The following CALCRL variants were observed in gnomAD, a reference collection of about 807,000 sequenced individuals.
CALCRL encodes calcitonin gene-related peptide type 1 receptor.
CALCRL carries 27 observed loss-of-function variants against 60.4 expected under a neutral mutation model. The ratio of observed to expected loss-of-function variants is 0.45; its 90% CI spans 0.33 to 0.62. The LOEUF (loss-of-function observed/expected upper bound fraction) is 0.62. Ranked by LOEUF, CALCRL falls within the 20% of genes least tolerant of loss-of-function variation. CALCRL has a pLI of 0.03. For synonymous variants in CALCRL, 190 were observed against 182.6 expected (o/e 1.04, Z -0.33); for missense variants, 424 against 540.7 (o/e 0.78, Z 2.14).
chr2:187,364,809 C>T (rs1457853095), intron 8 of CALCRL, among the ~76,000 whole-genome samples: 1 of 152,076 alleles, frequency 6.6e-6, no homozygotes, highest in Admixed American at 6.5e-5. Context: ...ATTCCTTCTA[C>T]AAGACTTCTA....
intron 1 of CALCRL, among the ~76,000 whole-genome samples, chr2:187,405,763 C>A (rs1048038987): frequency 2.6e-5 from 4 of 151,936 alleles, no homozygotes; most frequent in Non-Finnish European, 5.9e-5. Flanking sequence ...ACGGCTGAAA[C>A]AGTAAGAAAG....
intron 14 of CALCRL, among the ~76,000 whole-genome samples, chr2:187,347,242 C>G (rs980929592): frequency 1.3e-5 from 2 of 151,772 alleles, no homozygotes; most frequent in Admixed American, 1.3e-4. Context: ...AAATACATCT[C>G]TAGCTCAAGT....
At chr2:187,388,125 T>A (rs1472102179) in intron 1 of CALCRL, among the ~76,000 whole-genome samples, 1 of 151,956 alleles carries the variant, frequency 6.6e-6, no homozygotes, top group African/African-American at 2.4e-5. Flanking sequence ...CCTTAGGCAT[T>A]TATAAGTTAG....
chr2:187,353,217 A>G (rs1318273523), intron 12 of CALCRL, among the ~76,000 whole-genome samples: 1 of 151,744 alleles, frequency 6.6e-6, no homozygotes, highest in Non-Finnish European at 1.5e-5. Context: ...ACTTTGGTCC[A>G]TTTTCTCTAT....
rs984756599 is a variant in CALCRL, at chr2:187,427,336, A to C, written c.-293+20703T>G. On this transcript the variant is annotated intron_variant, in intron 1 of 14. Transcript: ENST00000392370. ...CACTTCATAGGTCCTTGGTCTAGGG[A>C]AAAGTGTAACACAAAGTAAATGATG... Among the ~76,000 whole-genome samples, 2 of 152,176 alleles carry C rather than the reference A, an allele frequency of 1.3e-5. 1 individual carries two copies. Among genetic ancestry groups the C allele is most frequent in the African/African-American group, 4.8e-5 (2 of 41,446 alleles).
At chr2:187,387,048 T>C (rs1013492707) in intron 3 of CALCRL, among the ~76,000 whole-genome samples, 3 of 152,166 alleles carry the variant, frequency 2.0e-5, no homozygotes, top group African/African-American at 7.2e-5. Context: ...ATCAGCAGCA[T>C]GAAAACGGAC....
intron 1 of CALCRL, among the ~76,000 whole-genome samples, chr2:187,392,997 T>C (rs1688512167): frequency 6.6e-6 from 1 of 152,180 alleles, no homozygotes; most frequent in Non-Finnish European, 1.5e-5. Context: ...AGCTTTACTT[T>C]CCTGAAGACA....
chr2:187,344,285 A>C lies in CALCRL; in HGVS notation c.*1899T>G, dbSNP rs1015131052. The stretch of plus-strand genomic sequence containing the variant: ...GCATAGATAAATTATAAATGTACTG[A>C]CCAGACCATTCTATATGTTAATTCT... On this transcript the variant is annotated 3_prime_UTR_variant, in exon 15 of 15. Transcript: ENST00000392370. 4 of 151,690 alleles carry C rather than the reference A, an allele frequency of 2.6e-5. No individual in the cohort carries two copies. Among genetic ancestry groups the C allele is most frequent in the Non-Finnish European group, 5.9e-5 (4 of 67,690 alleles). 9.4% of individuals were successfully genotyped at this position (151,690 alleles called of 1,614,324 possible).
chr2:187,427,170 TAACTAGC>T (rs1480828157), intron 1 of CALCRL, among the ~76,000 whole-genome samples: 1 of 152,144 alleles, frequency 6.6e-6, no homozygotes. Context: ...TGGAAAAGGA[TAACTAGC>T]TGGAAGCTTG....
intron 1 of CALCRL, among the ~76,000 whole-genome samples, chr2:187,401,078 T>C (rs1182364060): frequency 1.3e-5 from 2 of 151,602 alleles, no homozygotes; most frequent in Non-Finnish European, 3.0e-5. Flanking sequence ...ATGCTGAAGA[T>C]TGGGCTTTTA....
intron 4 of CALCRL, 138 bp downstream of exon 4, chr2:187,385,407 A>G: frequency 1.8e-6 from 1 of 566,568 alleles, no homozygotes; most frequent in Non-Finnish European, 3.1e-6. Flanking sequence ...ACACCGAATG[A>G]AAACACATTA....
chr2:187,349,219 A>G (rs1035836861), intron 14 of CALCRL, among the ~76,000 whole-genome samples: 3 of 151,682 alleles, frequency 2.0e-5, no homozygotes, highest in Admixed American at 1.3e-4. Context: ...ATCACAGTGC[A>G]CATTTTTGTC....
At chr2:187,423,532 G>A (rs116438717) in intron 1 of CALCRL, among the ~76,000 whole-genome samples, 6,126 of 151,802 alleles carry the variant, frequency 0.04, 180 homozygotes, top group South Asian at 0.12. Flanking sequence ...TAATTATCTG[G>A]TTATAAATTC....
intron 1 of CALCRL, among the ~76,000 whole-genome samples, chr2:187,416,174 T>A (rs1403171671): frequency 2.0e-5 from 3 of 152,220 alleles, no homozygotes; most frequent in Admixed American, 1.3e-4. Flanking sequence ...CATTTCACAA[T>A]CTATAGATAA....
chr2:187,426,241 T>G, intron 1 of CALCRL, among the ~76,000 whole-genome samples: 1 of 129,122 alleles, frequency 7.7e-6, no homozygotes, highest in Admixed American at 7.9e-5. Context: ...TGTCATTTAT[T>G]ATTTTTTTTT....
intron 8 of CALCRL, among the ~76,000 whole-genome samples, chr2:187,375,403 A>G (rs192493474): frequency 2.6e-5 from 4 of 152,084 alleles, no homozygotes; most frequent in Admixed American, 6.6e-5. Flanking sequence ...AGGTAATTGT[A>G]CTTTCAGTGA....
intron 1 of CALCRL, among the ~76,000 whole-genome samples, chr2:187,412,736 C>T (rs1265390699): frequency 2.0e-5 from 3 of 152,052 alleles, no homozygotes; most frequent in South Asian, 2.1e-4. Flanking sequence ...AGCCTCAAGG[C>T]CTTAAGGCTT....
At chr2:187,361,362 C>G (rs1687049234) in intron 9 of CALCRL, among the ~76,000 whole-genome samples, 1 of 151,786 alleles carries the variant, frequency 6.6e-6, no homozygotes, top group African/African-American at 2.4e-5. Context: ...TTTAAACAGG[C>G]AGGAAGAGAG....
intron 1 of CALCRL, among the ~76,000 whole-genome samples, chr2:187,400,678 AT>A (rs1296814406): frequency 6.6e-6 from 1 of 151,564 alleles, no homozygotes; most frequent in African/African-American, 2.4e-5. Context: ...ATTCCCTATA[AT>A]GAAATATTAT....
Sources: gnomAD v4.1 joint callset for allele counts (sites outside exome capture counted in the v4.1 genomes callset) on GRCh38, gnomAD v4.1.1 for gene constraint, MANE v1.5 for transcripts, NCBI Gene and HGNC (gene_info 2026-07-23, HGNC 2026-07-21) for gene names.